The following MGAT4A variants were observed in gnomAD, a reference collection of about 807,000 sequenced individuals.
The protein encoded by MGAT4A is N-acetylglucosaminyltransferase IVa.
A neutral mutation model predicts 74.1 loss-of-function variants in MGAT4A; 33 were observed. The ratio of observed to expected loss-of-function variants is 0.45; its 90% CI spans 0.34 to 0.60. The LOEUF (loss-of-function observed/expected upper bound fraction) is 0.60. MGAT4A is among the 20% of genes least tolerant of loss of function. The pLI is 0.02. For missense variants in MGAT4A, 479 were observed against 628.3 expected, an observed-to-expected ratio of 0.76 and a Z score of 2.54; for synonymous variants, 198 against 210.4, an observed-to-expected ratio of 0.94 and a Z score of 0.51.
intron 12 of MGAT4A, among the ~76,000 whole-genome samples, chr2:98,637,770 T>C (rs1701344080): frequency 6.6e-6 from 1 of 152,212 alleles, no homozygotes; most frequent in Non-Finnish European, 1.5e-5. Flanking sequence ...AGCCTGAGTT[T>C]CTTCTATAAT....
At chr2:98,716,770 G>C (rs1013139762) in intron 2 of MGAT4A, among the ~76,000 whole-genome samples, 4 of 152,034 alleles carry the variant, frequency 2.6e-5, no homozygotes, top group African/African-American at 7.3e-5. Flanking sequence ...TCTGATATAT[G>C]ACACAGTATT....
intron 3 of MGAT4A, among the ~76,000 whole-genome samples, chr2:98,676,540 T>C (rs1701978561): frequency 1.3e-5 from 2 of 152,232 alleles, no homozygotes; most frequent in East Asian, 1.9e-4. Context: ...GATCATAATC[T>C]AATGAAAATA....
At chr2:98,628,671 T>C (rs1002445726) in intron 14 of MGAT4A, among the ~76,000 whole-genome samples, 2 of 152,226 alleles carry the variant, frequency 1.3e-5, no homozygotes, top group African/African-American at 4.8e-5. Flanking sequence ...ATAACTACAA[T>C]GACTTGCCAA....
At chr2:98,668,876 G>A (rs538458611) in intron 4 of MGAT4A, among the ~76,000 whole-genome samples, 49 of 152,354 alleles carry the variant, frequency 3.2e-4, no homozygotes, top group African/African-American at 1.1e-3. Context: ...CTGCCCTGCT[G>A]GATTCTGGAC....
intron 2 of MGAT4A, among the ~76,000 whole-genome samples, chr2:98,697,277 C>A (rs1702289235): frequency 6.6e-6 from 1 of 152,134 alleles, no homozygotes; most frequent in Admixed American, 6.5e-5. Flanking sequence ...GGGCGTCACG[C>A]AGAATAAAAA....
Position 98,625,357 on chromosome 2 carries a change from T to C in MGAT4A, c.*209A>G. The C allele has an allele frequency of 7.4e-7, 1 of 1,357,568 alleles. No homozygotes were observed. The highest frequency in any genetic ancestry group is 9.5e-7 in the Non-Finnish European group (1 of 1,050,710). 84.1% of individuals were successfully genotyped at this position (1,357,568 alleles called of 1,614,324 possible). ...AACAGGCTGTCATAATTGAAAAATG[T>C]TTGAGTCAAGTTAAAATCTGAGGAC... On this transcript the variant is annotated 3_prime_UTR_variant, in exon 16 of 16. Coordinates refer to ENST00000393487, the MANE Select transcript of MGAT4A (RefSeq NM_012214.3).
rs1309111672 is a variant in MGAT4A at position 98,619,484 on chromosome 2, T to G, written c.*6082A>C. ...AATGCAGACAACCTTTCCAAAGTGT[T>G]CTGAATGGGACACTTCAGTTTTTCC... On this transcript the variant is annotated 3_prime_UTR_variant, in exon 16 of 16. Coordinates refer to ENST00000393487, the MANE Select transcript of MGAT4A (RefSeq NM_012214.3). 6.6e-6 allele frequency: 1 copy of G among 152,238 alleles called. No individual in the cohort carries two copies. Among genetic ancestry groups the G allele is most frequent in the African/African-American group, 2.4e-5 (1 of 41,466 alleles). The allele number at this position is 152,238 out of a possible 1,614,324, so 9.4% of individuals were successfully genotyped here.
At position 98,621,949 on chromosome 2, in the gene MGAT4A, C is replaced by G. The variant is rs1018340940; in HGVS notation, c.*3617G>C. 1.0e-6 allele frequency: 1 copy of G among 993,400 alleles called. No individual in the cohort carries two copies. Among genetic ancestry groups the G allele is most frequent in the South Asian group, 4.5e-5 (1 of 22,080 alleles). The allele number at this position is 993,400 out of a possible 1,614,324, so 61.5% of individuals were successfully genotyped here. A position where few individuals can be genotyped will look rare whatever the true frequency, so the allele number is the denominator to read the frequency against. On this transcript the variant is annotated 3_prime_UTR_variant, in exon 16 of 16. Coordinates refer to ENST00000393487, the MANE Select transcript of MGAT4A (RefSeq NM_012214.3). ...CAATTGTTGAACAAATACACACATA[C>G]GTATCTACAGCCTATGTGCTAAATA...
intron 2 of MGAT4A, among the ~76,000 whole-genome samples, chr2:98,720,902 T>C (rs1024535422): frequency 2.6e-5 from 4 of 152,190 alleles, no homozygotes; most frequent in African/African-American, 9.7e-5. Context: ...AATGACTTAA[T>C]ACTTCCCAAA....
intron 10 of MGAT4A, among the ~76,000 whole-genome samples, chr2:98,643,617 T>C (rs985999251): frequency 6.6e-6 from 1 of 152,136 alleles, no homozygotes; most frequent in Non-Finnish European, 1.5e-5. Flanking sequence ...ACTGAAATGG[T>C]ATCCCATGCC....
rs1264345146 is a variant in MGAT4A at position 98,663,105 on chromosome 2, T to A, written c.478A>T (p.Ile160Phe). 1 of 1,601,408 alleles carries A rather than the reference T, an allele frequency of 6.2e-7. No homozygotes were observed. The highest frequency in any genetic ancestry group is 2.2e-5 in the East Asian group (1 of 44,700). ...SYLIETLHSL[I>F]DNLYPEEKLD... ...TTCTCTTCAGGATACAGGTTATCAATAAGGGAATGAAGAGTTTCTATGAGG... is the reference window on the plus strand; with the variant it reads ...TTCTCTTCAGGATACAGGTTATCAAAAAGGGAATGAAGAGTTTCTATGAGG... Residue 160 changes from isoleucine (I) to phenylalanine (F), a missense_variant, in exon 5 of 16, where the codon ATT (isoleucine) becomes TTT (phenylalanine). This residue lies in a region of MGAT4A where 205 missense variants were observed against 232.7 expected (regional missense o/e 0.88). Transcript: ENST00000393487.
chr2:98,639,724 C>G, intron 12 of MGAT4A, 84 bp downstream of exon 12: 1 of 1,257,346 alleles, frequency 8.0e-7, no homozygotes, highest in Non-Finnish European at 1.1e-6. Context: ...ATCTGTCAGG[C>G]ACACACACAA....
At chr2:98,696,366 T>A (rs1022564909) in intron 2 of MGAT4A, among the ~76,000 whole-genome samples, 4 of 152,252 alleles carry the variant, frequency 2.6e-5, no homozygotes, top group Non-Finnish European at 5.9e-5. Context: ...TCACATATTG[T>A]AGAGGTCATG....
chr2:98,636,632 G>C, intron 12 of MGAT4A, 37 bp from the exon 13 acceptor site: 1 of 1,561,876 alleles, frequency 6.4e-7, no homozygotes, highest in Non-Finnish European at 8.8e-7. Flanking sequence ...ACACAAGTCG[G>C]GCTAGATTTT....
chr2:98,631,394 G>A (rs1462589239), intron 14 of MGAT4A, among the ~76,000 whole-genome samples: 1 of 152,220 alleles, frequency 6.6e-6, no homozygotes, highest in Non-Finnish European at 1.5e-5. Flanking sequence ...TCGGGCCTGT[G>A]CCCACCGACC....
chr2:98,664,290 T>G (rs935050206), intron 4 of MGAT4A, among the ~76,000 whole-genome samples: 1 of 151,582 alleles, frequency 6.6e-6, no homozygotes, highest in South Asian at 2.1e-4. Flanking sequence ...ACAGTCAATG[T>G]TCCTATAATG....
chr2:98,643,786 T>G (rs1701447480), intron 10 of MGAT4A, 137 bp downstream of exon 10: 2 of 797,602 alleles, frequency 2.5e-6, no homozygotes, highest in Non-Finnish European at 3.5e-6. Context: ...TCTTCTAATA[T>G]AGAAACTTTT....
intron 2 of MGAT4A, among the ~76,000 whole-genome samples, chr2:98,701,185 T>C (rs1346178106): frequency 1.3e-5 from 2 of 152,156 alleles, no homozygotes; most frequent in Non-Finnish European, 2.9e-5. Flanking sequence ...TGAAAGAAAA[T>C]ATACCAAAAA....
In MGAT4A at chr2:98,623,301, AAAG is replaced by A; in HGVS notation, c.*2262_*2264del. On this transcript the variant is annotated 3_prime_UTR_variant, in exon 16 of 16. Coordinates refer to ENST00000393487, the MANE Select transcript of MGAT4A (RefSeq NM_012214.3). ...AAAGCTAGCCAGGCAGGCTGTCTTT[AAAG>A]AAGTTGTAACAAATCACACCAGGTG... is the stretch of plus-strand genomic sequence containing the variant. 1.0e-6 allele frequency: 1 copy of A among 985,472 alleles called. No homozygotes were observed. Among genetic ancestry groups the A allele is most frequent in the African/African-American group, 1.7e-5 (1 of 57,372 alleles). 61.0% of individuals were successfully genotyped at this position (985,472 alleles called of 1,614,324 possible).
Sources: gnomAD v4.1 joint callset for allele counts (sites outside exome capture counted in the v4.1 genomes callset) on GRCh38, gnomAD v4.1.1 for gene constraint, gnomAD v4.1.1 regional missense constraint, MANE v1.5 for transcripts, NCBI Gene and HGNC (gene_info 2026-07-23, HGNC 2026-07-21) for gene names.